The following ZNHIT6 variants were observed in gnomAD, a reference collection of about 807,000 sequenced individuals.
The protein encoded by ZNHIT6 is box C/D snoRNA protein 1.
In ZNHIT6, 45 loss-of-function variants were observed where a neutral mutation model predicts 57.2. That is an observed-to-expected ratio of 0.79 (90% confidence interval 0.62 to 1.01). The LOEUF is 1.01. Among genes scored for constraint, ZNHIT6 ranks in the 50% least tolerant of loss-of-function variants. ZNHIT6 has a pLI of 0.00. For missense variants in ZNHIT6, 528 were observed against 567.3 expected (o/e 0.93, Z 0.70); for synonymous variants, 188 against 190.0 (o/e 0.99, Z 0.09).
At chr1:85,677,130 T>C (rs1661724563) in intron 8 of ZNHIT6, 106 bp downstream of exon 8, 1 of 743,114 alleles carries the variant, frequency 1.3e-6, no homozygotes, top group Non-Finnish European at 2.0e-6. Flanking sequence ...GTAAAAGTCA[T>C]GTTCATAGCT....
In ZNHIT6 at chr1:85,676,192, C is replaced by T. The variant is rs571726892; in HGVS notation, c.1247+1044G>A. Among the ~76,000 whole-genome samples the T allele has an allele frequency of 2.8e-3, 432 of 152,054 alleles. 2 individuals are homozygous for T. The highest frequency in any genetic ancestry group is 9.8e-3 in the African/African-American group (405 of 41,460). ...TCTCTACTAAAAATACAAAATTAGCCGGGCGTGGTGGCACATGCCTGTAAT... is the reference window on the plus strand; with the variant it reads ...TCTCTACTAAAAATACAAAATTAGCTGGGCGTGGTGGCACATGCCTGTAAT... On this transcript the variant is annotated intron_variant, in intron 8 of 9. Coordinates refer to ENST00000370574, the MANE Select transcript of ZNHIT6 (RefSeq NM_017953.4).
chr1:85,674,061 T>A lies in ZNHIT6; in HGVS notation c.1247+3175A>T, dbSNP rs143273994. ...AAGAAGAAAGCTACCTCAACAGGAA[T>A]TTCTGACATTATTATTGCTGTCAAA... On this transcript the variant is annotated intron_variant, in intron 8 of 9. Coordinates refer to ENST00000370574, the MANE Select transcript of ZNHIT6 (RefSeq NM_017953.4). Among the ~76,000 whole-genome samples, 35 of 152,318 alleles carry A rather than the reference T, an allele frequency of 2.3e-4. 1 individual carries two copies. The East Asian group carries it at 6.4e-3, about 28-fold the overall frequency.
At chr1:85,679,561 A>ATG (rs1661803640) in intron 6 of ZNHIT6, among the ~76,000 whole-genome samples, 1 of 77,442 alleles carries the variant, frequency 1.3e-5, no homozygotes, top group Admixed American at 1.5e-4. Flanking sequence ...AAACATTAAA[A>ATG]TGTTTTTTTT....
intron 5 of ZNHIT6, among the ~76,000 whole-genome samples, chr1:85,698,740 A>T (rs1662449638): frequency 6.6e-6 from 1 of 152,106 alleles, no homozygotes; most frequent in South Asian, 2.1e-4. Context: ...CAGCAGCAAA[A>T]CCTAACTGAA....
rs1285760276 is a variant in ZNHIT6 at position 85,651,868 on chromosome 1, C to T, written c.*2190G>A. 6.6e-6 allele frequency: 1 copy of T among 152,128 alleles called. No individual in the cohort carries two copies. The highest frequency in any genetic ancestry group is 1.9e-4 in the East Asian group (1 of 5,184). The allele number at this position is 152,128 out of a possible 1,614,324, so 9.4% of individuals were successfully genotyped here. A position where few individuals can be genotyped will look rare whatever the true frequency, so the allele number is the denominator to read the frequency against. Reference sequence around the variant, plus strand: ...TTAGTTATTCCAATTTCATTCTCTCCAAGCCATTGGTAATTCACTAAAACA... The same window carrying T: ...TTAGTTATTCCAATTTCATTCTCTCTAAGCCATTGGTAATTCACTAAAACA... On this transcript the variant is annotated 3_prime_UTR_variant, in exon 10 of 10. Transcript: ENST00000370574.
At chr1:85,657,480 C>A (rs1661091518) in intron 9 of ZNHIT6, among the ~76,000 whole-genome samples, 1 of 146,598 alleles carries the variant, frequency 6.8e-6, no homozygotes, top group African/African-American at 2.5e-5. Flanking sequence ...TGTAATCCCT[C>A]ATTTTAGAAA....
intron 5 of ZNHIT6, among the ~76,000 whole-genome samples, chr1:85,689,783 C>T (rs942135237): frequency 2.6e-5 from 4 of 152,040 alleles, no homozygotes; most frequent in Non-Finnish European, 4.4e-5. Context: ...GACTAGGGAG[C>T]ACTTGAGGAT....
At chr1:85,666,586 GT>G (rs1308365544) in intron 8 of ZNHIT6, among the ~76,000 whole-genome samples, 1 of 152,058 alleles carries the variant, frequency 6.6e-6, no homozygotes, top group Non-Finnish European at 1.5e-5. Flanking sequence ...GACCTCAATA[GT>G]TGAGCTTATA....
In ZNHIT6 at chr1:85,708,044, C is replaced by A. The variant is rs1249085581; in HGVS notation, c.241G>T (p.Glu81Ter). 6.2e-6 allele frequency: 10 copies of A among 1,614,166 alleles called. No individual in the cohort carries two copies. The highest frequency in any genetic ancestry group is 8.5e-6 in the Non-Finnish European group (10 of 1,180,030). Residue 81 changes from glutamate (E) to a stop codon, truncating the protein, a stop_gained, in exon 1 of 10, where the codon GAA (glutamate) becomes TAA (stop). Transcript: ENST00000370574. LOFTEE classifies it high-confidence loss of function. ...TCTGTACCTGGCCAGTCTATAATTT[C>A]CTGCTTCACTACCGTTAGGTCCATC... ...IPMDLTVVKQEIIDWPGTEGR... is the reference protein window; with the variant it reads ...IPMDLTVVKQ
chr1:85,690,301 A>G (rs1662180804), intron 5 of ZNHIT6, among the ~76,000 whole-genome samples: 1 of 152,100 alleles, frequency 6.6e-6, no homozygotes, highest in Non-Finnish European at 1.5e-5. Context: ...TCGCTCACCA[A>G]ACCCCCACTG....
chr1:85,664,976 T>G (rs1661328439), intron 8 of ZNHIT6, among the ~76,000 whole-genome samples: 1 of 151,740 alleles, frequency 6.6e-6, no homozygotes, highest in Non-Finnish European at 1.5e-5. Context: ...GGACTATAGG[T>G]GTATGCTGCC....
intron 5 of ZNHIT6, among the ~76,000 whole-genome samples, chr1:85,696,366 T>C (rs140954894): frequency 6.6e-6 from 1 of 152,218 alleles, no homozygotes; most frequent in Non-Finnish European, 1.5e-5. Flanking sequence ...CTCCAATTCT[T>C]TTTTTTCACT....
rs774638871 is a variant in ZNHIT6, at chr1:85,702,242, G to A, written c.934C>T (p.Arg312Cys). 1.2e-5 allele frequency: 20 copies of A among 1,602,526 alleles called. No homozygotes were observed. The highest frequency in any genetic ancestry group is 4.0e-5 in the African/African-American group (3 of 74,266). The change falls in exon 5 of 10, where the codon CGT (arginine) becomes TGT (cysteine). Residue 312 changes from arginine to cysteine, a missense_variant. Coordinates refer to ENST00000370574, the MANE Select transcript of ZNHIT6 (RefSeq NM_017953.4). ...SNKYMYFMKNRARRQGINLKL... is the reference protein window; with the variant it reads ...SNKYMYFMKNCARRQGINLKL... ...AAGTTAATACCTTGCCTCCGGGCAC[G>A]ATTTTTCATAAAGTACATCTAACAA...
At chr1:85,660,844 T>A (rs1032736307) in intron 8 of ZNHIT6, among the ~76,000 whole-genome samples, 3 of 152,208 alleles carry the variant, frequency 2.0e-5, no homozygotes, top group Non-Finnish European at 4.4e-5. Context: ...TAAATTATTT[T>A]AAAAATATTT....
chr1:85,662,278 C>T (rs1661247573), intron 8 of ZNHIT6, among the ~76,000 whole-genome samples: 2 of 151,934 alleles, frequency 1.3e-5, no homozygotes, highest in Admixed American at 1.3e-4. Context: ...CTTCCACCTG[C>T]TAAAAAATAC....
intron 5 of ZNHIT6, 61 bp downstream of exon 5, chr1:85,702,096 C>T: frequency 1.7e-6 from 2 of 1,207,452 alleles, no homozygotes; most frequent in Non-Finnish European, 2.4e-6. Context: ...AGCAACCAAA[C>T]CTTAAAGAAT....
chr1:85,690,286 T>G (rs1662180081), intron 5 of ZNHIT6, among the ~76,000 whole-genome samples: 2 of 152,120 alleles, frequency 1.3e-5, no homozygotes. Context: ...CAGCCTCATC[T>G]CCTATCGCTC....
chr1:85,669,019 T>C (rs1263996023), intron 8 of ZNHIT6, among the ~76,000 whole-genome samples: 1 of 152,178 alleles, frequency 6.6e-6, no homozygotes, highest in African/African-American at 2.4e-5. Flanking sequence ...CTGGGTCCTA[T>C]GTAAGATTTA....
intron 6 of ZNHIT6, among the ~76,000 whole-genome samples, chr1:85,680,586 T>G (rs1199361824): frequency 6.6e-6 from 1 of 152,014 alleles, no homozygotes; most frequent in African/African-American, 2.4e-5. Flanking sequence ...GTTTTCTGGC[T>G]TTTTTCCCCC....
Sources: gnomAD v4.1 joint callset for allele counts (sites outside exome capture counted in the v4.1 genomes callset) on GRCh38, gnomAD v4.1.1 for gene constraint, MANE v1.5 for transcripts, NCBI Gene and HGNC (gene_info 2026-07-23, HGNC 2026-07-21) for gene names.